EXOC6: variants seen among roughly 807,000 people sequenced by gnomAD.
EXOC6 encodes SEC15-like 1.
EXOC6 carries 60 observed loss-of-function variants against 112.5 expected under a neutral mutation model. That is an observed-to-expected ratio of 0.53 (90% CI 0.43 to 0.66). The LOEUF is 0.66. Ranked by LOEUF, EXOC6 falls within the 30% of genes least tolerant of loss-of-function variation. EXOC6 has a pLI of 0.00. For missense variants in EXOC6, 855 were observed against 957.1 expected, an observed-to-expected ratio of 0.89 and a Z score of 1.41; for synonymous variants, 295 against 308.0, an observed-to-expected ratio of 0.96 and a Z score of 0.44.
At chr10:92,916,479 C>A (rs1175472449) in intron 7 of EXOC6, among the ~76,000 whole-genome samples, 1 of 152,150 alleles carries the variant, frequency 6.6e-6, no homozygotes, top group Non-Finnish European at 1.5e-5. Flanking sequence ...CACTGTACTC[C>A]AGCCTGGGAG....
chr10:92,884,533 C>A (rs1295546522), intron 1 of EXOC6, among the ~76,000 whole-genome samples: 1 of 152,118 alleles, frequency 6.6e-6, no homozygotes, highest in African/African-American at 2.4e-5. Flanking sequence ...GTGAACAAAG[C>A]ATTCTGGGAC....
intron 9 of EXOC6, among the ~76,000 whole-genome samples, chr10:92,933,016 T>C (rs1052603737): frequency 6.6e-6 from 1 of 152,146 alleles, no homozygotes; most frequent in African/African-American, 2.4e-5. Context: ...TAATGTGATT[T>C]CCAGAGTAAC....
intron 20 of EXOC6, among the ~76,000 whole-genome samples, chr10:93,036,117 C>T (rs551932589): frequency 6.6e-6 from 1 of 150,918 alleles, no homozygotes; most frequent in African/African-American, 2.4e-5. Context: ...ACTTGGGAGG[C>T]AGAGGCAGGA....
intron 20 of EXOC6, among the ~76,000 whole-genome samples, chr10:93,048,942 T>A (rs1846142002): frequency 6.6e-6 from 1 of 152,110 alleles, no homozygotes; most frequent in African/African-American, 2.4e-5. Flanking sequence ...TACTGCTAAA[T>A]GGAAAGTCAG....
chr10:92,980,926 C>T (rs1221554451), intron 18 of EXOC6, among the ~76,000 whole-genome samples: 1 of 152,140 alleles, frequency 6.6e-6, no homozygotes, highest in Non-Finnish European at 1.5e-5. Context: ...ACTCGGGAGG[C>T]TGAGGCAGGA....
intron 13 of EXOC6, among the ~76,000 whole-genome samples, chr10:92,944,723 G>A (rs939838499): frequency 2.6e-5 from 4 of 151,210 alleles, no homozygotes; most frequent in African/African-American, 7.3e-5. Flanking sequence ...CTTATCTTGT[G>A]TCTGTTAGAT....
intron 17 of EXOC6, among the ~76,000 whole-genome samples, chr10:92,962,653 A>G (rs1383122372): frequency 6.6e-6 from 1 of 152,148 alleles, no homozygotes; most frequent in Non-Finnish European, 1.5e-5. Context: ...TCAGCCTCCC[A>G]AAGTGCTGGG....
intron 8 of EXOC6, among the ~76,000 whole-genome samples, chr10:92,925,578 A>C (rs531373497): frequency 6.6e-6 from 1 of 152,236 alleles, no homozygotes; most frequent in African/African-American, 2.4e-5. Context: ...TACAGGCGTG[A>C]GCCAATGCAC....
chr10:92,907,396 C>CGT (rs2133864102), intron 5 of EXOC6, among the ~76,000 whole-genome samples: 1 of 152,162 alleles, frequency 6.6e-6, no homozygotes, highest in East Asian at 1.9e-4. Context: ...CTGGGTTGTG[C>CGT]GTATATGGGC....
intron 9 of EXOC6, among the ~76,000 whole-genome samples, chr10:92,932,824 A>G (rs1852121619): frequency 6.6e-6 from 1 of 152,232 alleles, no homozygotes; most frequent in South Asian, 2.1e-4. Context: ...TTAAAACAAC[A>G]TAGAATTTTA....
chr10:93,022,746 A>G (rs1204816489), intron 20 of EXOC6, among the ~76,000 whole-genome samples: 1 of 152,166 alleles, frequency 6.6e-6, no homozygotes, highest in African/African-American at 2.4e-5. Context: ...AAATAAAAAT[A>G]AAACTGGTCT....
At chr10:92,858,022 T>TTCCCCC (rs1554882161) in intron 1 of EXOC6, among the ~76,000 whole-genome samples, 2 of 101,262 alleles carry the variant, frequency 2.0e-5, no homozygotes, top group East Asian at 1.1e-3. Flanking sequence ...GTTGACGGGT[T>TTCCCCC]CCCCCCCTCC....
intron 17 of EXOC6, among the ~76,000 whole-genome samples, chr10:92,958,458 A>G (rs1853811639): frequency 6.6e-6 from 1 of 152,192 alleles, no homozygotes; most frequent in South Asian, 2.1e-4. Context: ...GAAGAAATGC[A>G]CTTCTGATTC....
intron 17 of EXOC6, among the ~76,000 whole-genome samples, chr10:92,968,759 A>G (rs747362212): frequency 9.2e-5 from 14 of 152,238 alleles, no homozygotes; most frequent in Non-Finnish European, 1.8e-4. Context: ...AGCTTGTATA[A>G]TGCTCAAAAC....
rs557999303 is a variant in EXOC6 at position 92,849,189 on chromosome 10, CGAGAAGAGAGCGTGGGCTG to C, written c.101+578_101+596del. Reference sequence around the variant, plus strand: ...TACTCCCCCGCGCGGCCGCAGTGGGCGAGAAGAGAGCGTGGGCTGGAGAAGAGAGCGTGGGCTGGAGGAG... The same window carrying C: ...TACTCCCCCGCGCGGCCGCAGTGGGCGAGAAGAGAGCGTGGGCTGGAGGAG... On this transcript the variant is annotated intron_variant, in intron 1 of 21. Coordinates refer to ENST00000260762, the MANE Select transcript of EXOC6 (RefSeq NM_019053.6). Among the ~76,000 whole-genome samples the C allele has an allele frequency of 9.2e-3, 1,394 of 152,158 alleles. 15 individuals are homozygous for C. The highest frequency in any genetic ancestry group is 0.023 in the African/African-American group (951 of 41,522).
upstream of EXOC6, chr10:92,834,658 TA>T: frequency 1.0e-6 from 1 of 993,754 alleles, no homozygotes; most frequent in Non-Finnish European, 1.4e-6. Context: ...AGGAAAACGG[TA>T]TTTTTTTTTT....
chr10:92,924,788 T>C (rs1851617854), intron 8 of EXOC6, among the ~76,000 whole-genome samples: 1 of 152,188 alleles, frequency 6.6e-6, no homozygotes, highest in Non-Finnish European at 1.5e-5. Flanking sequence ...ACCTGAATAG[T>C]GTACATTGTA....
At chr10:92,917,397 A>G (rs565285668) in intron 7 of EXOC6, among the ~76,000 whole-genome samples, 41 of 151,326 alleles carry the variant, frequency 2.7e-4, no homozygotes, top group Non-Finnish European at 3.5e-4. Context: ...TACTACAAAA[A>G]TAACTCTACT....
intron 5 of EXOC6, among the ~76,000 whole-genome samples, chr10:92,908,561 A>G (rs1379688396): frequency 6.6e-5 from 10 of 152,180 alleles, no homozygotes; most frequent in Admixed American, 2.0e-4. Context: ...GTATTATTGT[A>G]GGAAACTGAT....
Sources: gnomAD v4.1 joint callset for allele counts (sites outside exome capture counted in the v4.1 genomes callset) on GRCh38, gnomAD v4.1.1 for gene constraint, MANE v1.5 for transcripts, NCBI Gene and HGNC (gene_info 2026-07-23, HGNC 2026-07-21) for gene names.